The following GRM8 variants were observed in gnomAD, a reference collection of about 807,000 sequenced individuals.
The protein encoded by GRM8 is glutamate metabotropic receptor 8.
GRM8 carries 47 observed loss-of-function variants against 87.2 expected under a neutral mutation model. The observed-to-expected ratio is 0.54, with a 90% CI of 0.43 to 0.69. GRM8 has a LOEUF of 0.69. Ranked by LOEUF, GRM8 falls within the 30% of genes least tolerant of loss-of-function variation. The probability of loss-of-function intolerance (pLI) is 0.00; values close to 1 mark genes in which losing one functional copy is unlikely to be tolerated. For synonymous variants in GRM8, 396 were observed against 404.5 expected, an observed-to-expected ratio of 0.98 and a Z score of 0.25; for missense variants, 1,019 against 1,139.2, an observed-to-expected ratio of 0.89 and a Z score of 1.52.
intron 3 of GRM8, among the ~76,000 whole-genome samples, chr7:127,096,763 G>A (rs369956078): frequency 6.6e-6 from 1 of 152,166 alleles, no homozygotes; most frequent in Admixed American, 6.5e-5. Flanking sequence ...CCAGTGAGAA[G>A]TTCTTAACCA....
intron 2 of GRM8, among the ~76,000 whole-genome samples, chr7:127,227,916 T>C (rs1797442709): frequency 6.6e-6 from 1 of 152,248 alleles, no homozygotes; most frequent in African/African-American, 2.4e-5. Context: ...CCAGCCCATC[T>C]GCCATTCTAG....
At chr7:127,209,572 G>T (rs1046484488) in intron 2 of GRM8, among the ~76,000 whole-genome samples, 9 of 152,120 alleles carry the variant, frequency 5.9e-5, no homozygotes, top group African/African-American at 1.9e-4. Flanking sequence ...GAACCAGGGG[G>T]ATCCCAGCAT....
chr7:126,610,099 C>T (rs1038430472), intron 7 of GRM8, among the ~76,000 whole-genome samples: 9 of 152,236 alleles, frequency 5.9e-5, no homozygotes, highest in Non-Finnish European at 1.2e-4. Flanking sequence ...TGTTCTCCCC[C>T]TTCACAGTGA....
At chr7:126,833,850 T>C (rs980807195) in intron 6 of GRM8, among the ~76,000 whole-genome samples, 4 of 152,192 alleles carry the variant, frequency 2.6e-5, no homozygotes, top group Non-Finnish European at 4.4e-5. Context: ...AAATGCAGAT[T>C]ACTAATCCTT....
chr7:126,732,506 C>T (rs980636111), intron 7 of GRM8, among the ~76,000 whole-genome samples: 7 of 152,122 alleles, frequency 4.6e-5, no homozygotes, highest in Non-Finnish European at 7.4e-5. Context: ...AGGTCAACCT[C>T]TCTAGCTGTA....
chr7:126,841,921 C>T (rs1027628353), intron 6 of GRM8, among the ~76,000 whole-genome samples: 1 of 152,104 alleles, frequency 6.6e-6, no homozygotes, highest in South Asian at 2.1e-4. Flanking sequence ...CGTGAGCCAC[C>T]GTGACCGGCC....
At chr7:127,123,545 C>T (rs1388525752) in intron 2 of GRM8, among the ~76,000 whole-genome samples, 1 of 152,108 alleles carries the variant, frequency 6.6e-6, no homozygotes, top group Non-Finnish European at 1.5e-5. Flanking sequence ...CAGCCTCAGG[C>T]CCTCATCAGA....
Position 126,487,985 on chromosome 7 carries a change from G to A in GRM8, c.2431-41613C>T, listed in dbSNP as rs371464491. Among the ~76,000 whole-genome samples, 37 of 151,878 alleles carry A rather than the reference G, an allele frequency of 2.4e-4. 1 individual carries two copies. Among genetic ancestry groups the A allele is most frequent in the African/African-American group, 7.7e-4 (32 of 41,432 alleles). ...TCAGTCATTCCTTCAACTAAAAATG[G>A]CATTCCATGAAAAAAGCAACTAGAT... is the stretch of plus-strand genomic sequence containing the variant. On this transcript the variant is annotated intron_variant, in intron 9 of 10. Coordinates refer to ENST00000339582, the MANE Select transcript of GRM8 (RefSeq NM_000845.3).
chr7:127,163,920 G>C (rs1436817912), intron 2 of GRM8, among the ~76,000 whole-genome samples: 4 of 152,134 alleles, frequency 2.6e-5, no homozygotes, highest in African/African-American at 9.7e-5. Context: ...GGAATGAGCA[G>C]AGAATATCAG....
At chr7:126,599,121 T>A (rs1447438400) in intron 8 of GRM8, among the ~76,000 whole-genome samples, 2 of 152,154 alleles carry the variant, frequency 1.3e-5, no homozygotes, top group Non-Finnish European at 2.9e-5. Flanking sequence ...TAAGGCCGTC[T>A]TCAGTATTTG....
At chr7:126,722,164 C>T (rs1161581294) in intron 7 of GRM8, among the ~76,000 whole-genome samples, 1 of 152,120 alleles carries the variant, frequency 6.6e-6, no homozygotes, top group East Asian at 1.9e-4. Flanking sequence ...CCAACTGGAC[C>T]TCTCCAGAAC....
At chr7:126,934,053 G>T (rs1563330290) in intron 3 of GRM8, among the ~76,000 whole-genome samples, 1 of 152,142 alleles carries the variant, frequency 6.6e-6, no homozygotes, top group Non-Finnish European at 1.5e-5. Context: ...TCTTCATGAT[G>T]TTGATACTTA....
At chr7:127,101,464 C>T (rs763175974) in intron 3 of GRM8, among the ~76,000 whole-genome samples, 2 of 152,154 alleles carry the variant, frequency 1.3e-5, no homozygotes, top group Non-Finnish European at 2.9e-5. Context: ...GCCCTCATGG[C>T]TTGGTGCTAT....
At chr7:126,998,624 T>C (rs1317870782) in intron 3 of GRM8, among the ~76,000 whole-genome samples, 2 of 151,550 alleles carry the variant, frequency 1.3e-5, no homozygotes, top group East Asian at 3.9e-4. Context: ...TATGCCAACA[T>C]GAAACAATCT....
chr7:127,210,319 G>T (rs537672910), intron 2 of GRM8, among the ~76,000 whole-genome samples: 19 of 152,206 alleles, frequency 1.2e-4, no homozygotes, highest in South Asian at 1.0e-3. Flanking sequence ...TTTGCATAGT[G>T]TTTTTTTAAA....
chr7:127,062,803 G>GTGTT (rs1820744540), intron 3 of GRM8, among the ~76,000 whole-genome samples: 1 of 152,160 alleles, frequency 6.6e-6, no homozygotes, highest in South Asian at 2.1e-4. Flanking sequence ...GTGTGTAGAG[G>GTGTT]TGTTCACAGT....
chr7:126,553,254 A>C (rs1651820859), intron 8 of GRM8, among the ~76,000 whole-genome samples: 1 of 152,174 alleles, frequency 6.6e-6, no homozygotes, highest in Admixed American at 6.5e-5. Context: ...ATTATTTTTA[A>C]AAAATCCCAA....
chr7:126,476,326 C>A (rs1001140027), intron 9 of GRM8, among the ~76,000 whole-genome samples: 1 of 152,024 alleles, frequency 6.6e-6, no homozygotes, highest in Non-Finnish European at 1.5e-5. Flanking sequence ...CTGAGGTAGG[C>A]GGGTTACTTG....
chr7:127,159,311 A>G (rs1792941942), intron 2 of GRM8, among the ~76,000 whole-genome samples: 1 of 152,232 alleles, frequency 6.6e-6, no homozygotes, highest in Non-Finnish European at 1.5e-5. Context: ...GTGAGCACAG[A>G]AAATTAATAG....
Sources: allele counts gnomAD v4.1 joint callset (sites outside exome capture counted in the v4.1 genomes callset), GRCh38; gene constraint gnomAD v4.1.1; transcripts MANE v1.5; gene names NCBI Gene and HGNC (gene_info 2026-07-23, HGNC 2026-07-21).